The following ARRDC5 variants were observed in gnomAD, a reference collection of about 807,000 sequenced individuals.
ARRDC5 encodes the protein arrestin domain containing 5, also known as arrestin domain-containing protein 5.
Under a neutral mutation model 13.3 loss-of-function variants are expected in ARRDC5, and 12 were observed. That is an observed-to-expected ratio of 0.90 (90% CI 0.58 to 1.46). The LOEUF is 1.46. Ranked by LOEUF, ARRDC5 falls within the 40% of genes most tolerant of loss-of-function variation. ARRDC5 has a pLI of 0.00. For missense variants in ARRDC5, 406 were observed against 418.7 expected, an observed-to-expected ratio of 0.97 and a Z score of 0.26; for synonymous variants, 181 against 173.4, an observed-to-expected ratio of 1.04 and a Z score of -0.34.
At chr19:4,900,143 C>CTTTTTTTTTTT (rs35303447) in intron 1 of ARRDC5, among the ~76,000 whole-genome samples, 2 of 84,218 alleles carry the variant, frequency 2.4e-5, no homozygotes, top group Non-Finnish European at 4.1e-5. Flanking sequence ...CTGTTTCTTT[C>CTTTTTTTTTTT]TTTTTTTTTT....
At chr19:4,907,704 CTTTTTT>C (rs59867968), upstream of ARRDC5, among the ~76,000 whole-genome samples, 3 of 47,704 alleles carry the variant, frequency 6.3e-5, no homozygotes, top group South Asian at 9.3e-4. Flanking sequence ...TTGGCCTGAT[CTTTTTT>C]TTTTTTTTTT....
chr19:4,910,948 G>A, the ARRDC5 span: 54 of 1,613,652 alleles, frequency 3.3e-5, 2 homozygotes, highest in South Asian at 5.8e-4. Context: ...CGCTGTCCAG[G>A]CTGACCAAGG....
Position 4,890,945 on chromosome 19 carries a change from G to A in ARRDC5, c.*101C>T, listed in dbSNP as rs2031478585. 1 of 971,542 alleles carries A rather than the reference G, an allele frequency of 1.0e-6. No individual in the cohort carries two copies. 60.2% of individuals were successfully genotyped at this position (971,542 alleles called of 1,614,324 possible). ...AGCTTGGGGAGGTTGCAGACAACCT[G>A]TTGCCCACTCCTCGACTCCTCTGAG... On this transcript the variant is annotated 3_prime_UTR_variant, in exon 3 of 3. Coordinates refer to ENST00000650722, the MANE Select transcript of ARRDC5 (RefSeq NM_001080523.3).
At chr19:4,909,222 G>A in the ARRDC5 span, 1,762 of 494,618 alleles carry the variant, frequency 3.6e-3, 25 homozygotes, top group African/African-American at 0.031. Context: ...TCTGTACCCT[G>A]GGGGTCCCCA....
At chr19:4,896,987 C>A (rs887993087) in intron 1 of ARRDC5, 111 bp from the exon 2 acceptor site, 12 of 733,048 alleles carry the variant, frequency 1.6e-5, no homozygotes, top group Non-Finnish European at 2.4e-5. Context: ...GACACGGTCT[C>A]ACTCTGTCAC....
At chr19:4,908,711 T>C in the ARRDC5 span, among the ~76,000 whole-genome samples, 523 of 152,304 alleles carry the variant, frequency 3.4e-3, no homozygotes, top group African/African-American at 0.011. Flanking sequence ...CTATAAGGAA[T>C]CATCTGAAAT....
chr19:4,904,323 C>CAT (rs2032017532), upstream of ARRDC5, among the ~76,000 whole-genome samples: 1 of 152,128 alleles, frequency 6.6e-6, no homozygotes, highest in Non-Finnish European at 1.5e-5. Context: ...GGACTACAGG[C>CAT]GTCCGCCACA....
At chr19:4,916,442 C>T in the ARRDC5 span, among the ~76,000 whole-genome samples, 1 of 152,212 alleles carries the variant, frequency 6.6e-6, no homozygotes, top group Non-Finnish European at 1.5e-5. Context: ...CTGTGCCCTC[C>T]TGAGACCGCA....
the ARRDC5 span, chr19:4,909,349 G>C: frequency 1.0e-5 from 6 of 593,262 alleles, no homozygotes; most frequent in Admixed American, 3.0e-5. Context: ...CCCACTAGGC[G>C]GAGGCGCCGT....
chr19:4,899,816 G>A (rs2031856752), intron 1 of ARRDC5, among the ~76,000 whole-genome samples: 1 of 147,858 alleles, frequency 6.8e-6, no homozygotes, highest in Admixed American at 6.7e-5. Context: ...GCGGGCACCT[G>A]TAGTCCCAGC....
chr19:4,904,544 A>C (rs964583139), upstream of ARRDC5, among the ~76,000 whole-genome samples: 1 of 151,374 alleles, frequency 6.6e-6, no homozygotes, highest in Non-Finnish European at 1.5e-5. Context: ...TGAACTCCTG[A>C]CCTCATGATC....
intron 2 of ARRDC5, among the ~76,000 whole-genome samples, chr19:4,891,805 A>G (rs1320785224): frequency 2.0e-5 from 3 of 152,040 alleles, no homozygotes; most frequent in African/African-American, 7.2e-5. Context: ...AAATACAAAA[A>G]TTAGCTGAGC....
chr19:4,892,738 G>T (rs997225971), intron 2 of ARRDC5, among the ~76,000 whole-genome samples: 1 of 151,986 alleles, frequency 6.6e-6, no homozygotes, highest in South Asian at 2.1e-4. Flanking sequence ...TGCCTGTTCT[G>T]TTCTTTTATC....
intron 2 of ARRDC5, among the ~76,000 whole-genome samples, chr19:4,891,816 G>A (rs557049304): frequency 2.7e-4 from 41 of 152,130 alleles, no homozygotes; most frequent in Admixed American, 2.2e-3. Flanking sequence ...TTAGCTGAGC[G>A]TGATGGAGCA....
chr19:4,911,564 T>G, the ARRDC5 span, among the ~76,000 whole-genome samples: 1 of 152,218 alleles, frequency 6.6e-6, no homozygotes, highest in Non-Finnish European at 1.5e-5. Context: ...TCCGCCACCC[T>G]GAGCCTGCTG....
rs1254800679 is a variant in ARRDC5 at position 4,896,679 on chromosome 19, G to C, written c.451C>G (p.Pro151Ala). 3 of 1,611,634 alleles carry C rather than the reference G, an allele frequency of 1.9e-6. No homozygotes were observed. Among genetic ancestry groups the C allele is most frequent in the Non-Finnish European group, 2.5e-6 (3 of 1,178,062 alleles). ...QGTSTFHKETPFQNPLFVEAE... is the reference protein window; with the variant it reads ...QGTSTFHKETAFQNPLFVEAE... ...CTTTCCCCCATCGGTACCTGGAATG[G>C]GGTTTCTTTGTGGAAGGTGGAAGTT... is the stretch of plus-strand genomic sequence containing the variant. The change falls in exon 2 of 3, where the codon CCA becomes GCA. Residue 151 changes from proline to alanine, a missense_variant. Coordinates refer to ENST00000650722, the MANE Select transcript of ARRDC5 (RefSeq NM_001080523.3).
upstream of ARRDC5, among the ~76,000 whole-genome samples, chr19:4,904,167 C>CTTTTTG (rs922644431): frequency 5.3e-5 from 8 of 151,096 alleles, no homozygotes; most frequent in Non-Finnish European, 1.2e-4. Flanking sequence ...AATTTTTGTT[C>CTTTTTG]TTTTTGTTTT....
chr19:4,910,738 A>G, the ARRDC5 span: 32 of 1,012,698 alleles, frequency 3.2e-5, no homozygotes, highest in Non-Finnish European at 5.6e-6. Context: ...GTCTGGCTGT[A>G]CAGGAGGACT....
intron 1 of ARRDC5, among the ~76,000 whole-genome samples, chr19:4,897,704 A>G (rs1168704721): frequency 6.6e-6 from 1 of 152,106 alleles, no homozygotes; most frequent in African/African-American, 2.4e-5. Context: ...TCTGGTAGAG[A>G]CAGGGTCTTG....
Sources: gnomAD v4.1 joint callset for allele counts (sites outside exome capture counted in the v4.1 genomes callset) on GRCh38, gnomAD v4.1.1 for gene constraint, MANE v1.5 for transcripts, NCBI Gene and HGNC (gene_info 2026-07-23, HGNC 2026-07-21) for gene names.